Variants in CLVS1 observed in about 807,000 individuals in gnomAD.
CLVS1 encodes the protein clavesin 1, also known as clavesin-1.
Under a neutral mutation model 33.1 loss-of-function variants are expected in CLVS1, and 10 were observed. The ratio of observed to expected loss-of-function variants is 0.30; its 90% CI spans 0.19 to 0.51. CLVS1 has a LOEUF of 0.51. CLVS1 is among the 20% of genes least tolerant of loss of function. CLVS1 has a pLI of 0.97. For synonymous variants in CLVS1, 163 were observed against 166.1 expected, an observed-to-expected ratio of 0.98 and a Z score of 0.14; for missense variants, 343 against 433.4, an observed-to-expected ratio of 0.79 and a Z score of 1.85.
chr8:61,238,697 ATACTT>A (rs1808623568), intron 2 of CLVS1, among the ~76,000 whole-genome samples: 1 of 152,342 alleles, frequency 6.6e-6, no homozygotes, highest in Non-Finnish European at 1.5e-5. Flanking sequence ...AAATTTTTTT[ATACTT>A]TACTTAATAT....
chr8:61,215,937 C>T (rs757648824), intron 2 of CLVS1, among the ~76,000 whole-genome samples: 12 of 152,102 alleles, frequency 7.9e-5, no homozygotes, highest in Non-Finnish European at 1.6e-4. Flanking sequence ...TGGATCCTTT[C>T]CAAGGTGTGA....
intron 3 of CLVS1, among the ~76,000 whole-genome samples, chr8:61,392,352 A>G (rs532415714): frequency 2.0e-5 from 3 of 151,806 alleles, no homozygotes; most frequent in African/African-American, 7.3e-5. Context: ...AAAATTTCTA[A>G]ATTGGCCTAC....
At chr8:61,035,187 C>CTTTTTTTTTTTTTTTTTTTTTTT in the CLVS1 span, among the ~76,000 whole-genome samples, 2 of 129,410 alleles carry the variant, frequency 1.5e-5, no homozygotes, top group African/African-American at 2.9e-5. Context: ...TTTCTTTTTT[C>CTTTTTTTTTTTTTTTTTTTTTTT]TTTTTTTTTT....
At chr8:61,490,892 C>T (rs936156897) in intron 5 of CLVS1, among the ~76,000 whole-genome samples, 2 of 149,450 alleles carry the variant, frequency 1.3e-5, no homozygotes, top group Non-Finnish European at 3.0e-5. Flanking sequence ...ACCTGGAAGG[C>T]AGAGGTTACA....
At chr8:61,358,351 G>A (rs1235108362) in intron 2 of CLVS1, among the ~76,000 whole-genome samples, 2 of 152,172 alleles carry the variant, frequency 1.3e-5, no homozygotes, top group East Asian at 3.9e-4. Flanking sequence ...CACACTGTGT[G>A]CAAGCCTTGT....
chr8:61,454,621 A>G (rs1817081773), intron 4 of CLVS1, among the ~76,000 whole-genome samples: 1 of 152,260 alleles, frequency 6.6e-6, no homozygotes, highest in African/African-American at 2.4e-5. Context: ...TATTAGTGCT[A>G]TGAAGAATGA....
chr8:61,134,710 C>G (rs771045619), intron 2 of CLVS1, among the ~76,000 whole-genome samples: 1 of 152,190 alleles, frequency 6.6e-6, no homozygotes, highest in Non-Finnish European at 1.5e-5. Context: ...CTTCTGCCTC[C>G]TCTTCCACAT....
At chr8:61,463,435 G>T (rs1443202291) in intron 5 of CLVS1, among the ~76,000 whole-genome samples, 11 of 152,152 alleles carry the variant, frequency 7.2e-5, no homozygotes, top group Non-Finnish European at 1.5e-5. Flanking sequence ...GACTTTCTGA[G>T]CTTTCAGTGT....
chr8:61,264,127 G>A (rs3912535), intron 2 of CLVS1, among the ~76,000 whole-genome samples: 40,901 of 151,858 alleles, frequency 0.27, 7,940 homozygotes, highest in East Asian at 0.85. Context: ...ACCTATAATA[G>A]AGGCTCAAGC....
chr8:61,216,394 C>G (rs1252297028), intron 2 of CLVS1, among the ~76,000 whole-genome samples: 2 of 152,182 alleles, frequency 1.3e-5, no homozygotes, highest in Non-Finnish European at 2.9e-5. Flanking sequence ...GCTCCATCCA[C>G]CCTCTAGTCT....
the CLVS1 span, among the ~76,000 whole-genome samples, chr8:60,977,261 G>T: frequency 6.6e-6 from 1 of 152,114 alleles, no homozygotes; most frequent in African/African-American, 2.4e-5. Context: ...ATATTCAGTT[G>T]CTAACAACAA....
intron 1 of CLVS1, among the ~76,000 whole-genome samples, chr8:61,092,870 G>A (rs1445454542): frequency 1.3e-5 from 2 of 152,128 alleles, no homozygotes; most frequent in African/African-American, 4.8e-5. Context: ...CATATTGGGA[G>A]GCCATTATTC....
intron 2 of CLVS1, among the ~76,000 whole-genome samples, chr8:61,216,048 G>A (rs1234349170): frequency 6.6e-6 from 1 of 152,158 alleles, no homozygotes; most frequent in Non-Finnish European, 1.5e-5. Flanking sequence ...AGAAAGGGGA[G>A]AAAATATCCG....
At chr8:61,197,454 A>G (rs1807640572) in intron 2 of CLVS1, among the ~76,000 whole-genome samples, 1 of 152,044 alleles carries the variant, frequency 6.6e-6, no homozygotes, top group South Asian at 2.1e-4. Context: ...TGTATACTGT[A>G]GCTCTATAGT....
chr8:61,075,084 C>G (rs189704018), intron 1 of CLVS1, among the ~76,000 whole-genome samples: 6,964 of 152,166 alleles, frequency 0.046, 528 homozygotes, highest in African/African-American at 0.16. Context: ...CTTCCGAAGG[C>G]AGCATGCCAT....
chr8:60,985,645 G>T, the CLVS1 span, among the ~76,000 whole-genome samples: 4 of 152,160 alleles, frequency 2.6e-5, no homozygotes, highest in South Asian at 2.1e-4. Flanking sequence ...GAAATGGCTT[G>T]AATTAATGAA....
upstream of CLVS1, among the ~76,000 whole-genome samples, chr8:61,054,722 T>C (rs1037913096): frequency 6.6e-6 from 1 of 152,158 alleles, no homozygotes; most frequent in Non-Finnish European, 1.5e-5. Context: ...CACGTGCAGA[T>C]AAACAGGTTA....
chr8:61,347,620 A>G (rs1042692910), intron 2 of CLVS1, among the ~76,000 whole-genome samples: 1 of 120,444 alleles, frequency 8.3e-6, no homozygotes, highest in Admixed American at 9.1e-5. Context: ...CAATTTGGCC[A>G]TTCCATTATA....
intron 2 of CLVS1, among the ~76,000 whole-genome samples, chr8:61,281,676 C>G (rs1271917614): frequency 6.6e-6 from 1 of 152,120 alleles, no homozygotes; most frequent in Non-Finnish European, 1.5e-5. Flanking sequence ...TTTACTGGTT[C>G]ATCTCTTTCT....
Sources: gnomAD v4.1 joint callset for allele counts (sites outside exome capture counted in the v4.1 genomes callset) on GRCh38, gnomAD v4.1.1 for gene constraint, MANE v1.5 for transcripts, NCBI Gene and HGNC (gene_info 2026-07-23, HGNC 2026-07-21) for gene names.